APCDD1L: variants seen among roughly 807,000 people sequenced by gnomAD.
APCDD1L encodes the protein protein APCDD1-like.
In APCDD1L, 21 loss-of-function variants were observed where a neutral mutation model predicts 24.2. That is an observed-to-expected ratio of 0.87 (90% CI 0.61 to 1.25). The LOEUF is 1.25. APCDD1L is among the 50% of genes most tolerant of loss of function. The probability of loss-of-function intolerance (pLI) is 0.00; values close to 1 mark genes in which losing one functional copy is unlikely to be tolerated. For missense variants in APCDD1L, 704 were observed against 711.7 expected (o/e 0.99, Z 0.12); for synonymous variants, 321 against 323.6 (o/e 0.99, Z 0.09).
chr20:58,475,984 T>C (rs1989902454), intron 1 of APCDD1L, among the ~76,000 whole-genome samples: 1 of 152,170 alleles, frequency 6.6e-6, no homozygotes, highest in African/African-American at 2.4e-5. Flanking sequence ...TGTGACTTCA[T>C]CCTAACTTGA....
rs571319620 is a variant in APCDD1L, at chr20:58,467,077, C to G, written c.741+29G>C. On this transcript the variant is annotated intron_variant, in intron 3 of 3. Coordinates refer to ENST00000371149, the MANE Select transcript of APCDD1L (RefSeq NM_153360.3). The surrounding 1 kb of genome is among the most constrained non-coding windows in gnomAD (Gnocchi z 5.9). ...TCGCCTCCCCGAGACCACCACCCCC[C>G]TCTCCCACACCCCAACACACACACT... is the stretch of plus-strand genomic sequence containing the variant. The G allele has an allele frequency of 1.3e-5, 21 of 1,564,096 alleles. No individual in the cohort carries two copies. The East Asian group carries it at 2.2e-4, about 16-fold the overall frequency.
At chr20:58,490,266 T>G (rs568872726) in intron 1 of APCDD1L, among the ~76,000 whole-genome samples, 1 of 152,364 alleles carries the variant, frequency 6.6e-6, no homozygotes, top group South Asian at 2.1e-4. Flanking sequence ...GTTTCTTTCA[T>G]GTATAAGCTA....
chr20:58,484,176 G>A (rs998567979), intron 1 of APCDD1L, among the ~76,000 whole-genome samples: 3 of 152,200 alleles, frequency 2.0e-5, no homozygotes, highest in Non-Finnish European at 2.9e-5. Context: ...GTGCTTAATG[G>A]TTTAATTATT....
chr20:58,484,246 G>A (rs937549787), intron 1 of APCDD1L, among the ~76,000 whole-genome samples: 1 of 152,206 alleles, frequency 6.6e-6, no homozygotes, highest in Non-Finnish European at 1.5e-5. Context: ...ATCAGAAAAT[G>A]AGAAAAGCAC....
At chr20:58,469,573 G>T (rs1268061121) in intron 2 of APCDD1L, among the ~76,000 whole-genome samples, 2 of 152,196 alleles carry the variant, frequency 1.3e-5, no homozygotes, top group African/African-American at 4.8e-5. Flanking sequence ...TACAACCAGC[G>T]TCCCCCCTTC....
At position 58,461,192 on chromosome 20, in the gene APCDD1L, C is replaced by T. The variant is rs771870241; in HGVS notation, c.1104G>A (p.Thr368=). 24 of 1,613,366 alleles carry T rather than the reference C, an allele frequency of 1.5e-5. No individual in the cohort carries two copies. The Admixed American group carries it at 2.0e-4, about 13-fold the overall frequency. ...TTGGCTCAGAGAAGTTGAGCATGGC[C>T]GTGGTGACCTGGTCCATGGGGGTCA... The part of the protein sequence containing the change: ...AHVTPMDQVT[T]AMLNFSEPSS... The change falls in exon 4 of 4, where the codon ACG becomes ACA. Residue 368 remains threonine (T), a synonymous_variant. Coordinates refer to ENST00000371149, the MANE Select transcript of APCDD1L (RefSeq NM_153360.3). This position sits in a 1 kb window ranked among gnomAD's most constrained non-coding sequence, Gnocchi z 6.0.
In APCDD1L at chr20:58,467,489, G is replaced by C. The variant is rs1386842572; in HGVS notation, c.358C>G (p.Arg120Gly). 2.6e-5 allele frequency: 42 copies of C among 1,598,960 alleles called. No homozygotes were observed. Among genetic ancestry groups the C allele is most frequent in the Non-Finnish European group, 3.5e-5 (41 of 1,173,518 alleles). Residue 120 changes from arginine (R) to glycine (G), a missense_variant, in exon 3 of 4, where the codon CGG (arginine) becomes GGG (glycine). Physicochemically the swap from Arg to Gly is moderately radical, Grantham distance 125. Coordinates refer to ENST00000371149, the MANE Select transcript of APCDD1L (RefSeq NM_153360.3). This position sits in a 1 kb window ranked among gnomAD's most constrained non-coding sequence, Gnocchi z 5.9. Reference sequence around the variant, plus strand: ...TGGTAGTCGGCCTCGGTGGCTCCCCGGGTGACCCAGGAGGCCCGGCGCAGG... The same window carrying C: ...TGGTAGTCGGCCTCGGTGGCTCCCCCGGTGACCCAGGAGGCCCGGCGCAGG... ...VRLRRASWVT[R>G]GATEADYHLH... is the part of the protein sequence containing the mutation.
intron 1 of APCDD1L, among the ~76,000 whole-genome samples, chr20:58,484,274 G>A (rs571503663): frequency 2.3e-4 from 35 of 152,260 alleles, no homozygotes; most frequent in South Asian, 8.3e-4. Flanking sequence ...ATTTAAAAGC[G>A]CGTCCACAGT....
At position 58,470,635 on chromosome 20, in the gene APCDD1L, G is replaced by T; in HGVS notation, c.162C>A (p.Arg54=). 1 of 1,584,918 alleles carries T rather than the reference G, an allele frequency of 6.3e-7. No individual in the cohort carries two copies. The highest frequency in any genetic ancestry group is 8.6e-7 in the Non-Finnish European group (1 of 1,165,418). ...CTGTGGAGATCCAAGGTCCATTAAG[G>T]CGTGGAGGCAGGATCGCAGTGCTGG... ...RVPSTAILPP[R]LNGPWISTGC... Residue 54 remains arginine (R), a synonymous_variant, in exon 2 of 4, where the codon CGC becomes CGA. Transcript: ENST00000371149.
chr20:58,488,438 T>C (rs1375402611), intron 1 of APCDD1L, among the ~76,000 whole-genome samples: 1 of 152,178 alleles, frequency 6.6e-6, no homozygotes, highest in Non-Finnish European at 1.5e-5. Flanking sequence ...TTCAAACACA[T>C]GTGCAACATT....
intron 1 of APCDD1L, among the ~76,000 whole-genome samples, chr20:58,488,818 A>G (rs1990170720): frequency 6.6e-6 from 1 of 152,210 alleles, no homozygotes; most frequent in Non-Finnish European, 1.5e-5. Flanking sequence ...GAAGTTAGAA[A>G]AAGAAAAATC....
At chr20:58,498,676 C>T (rs1184642797) in intron 1 of APCDD1L, among the ~76,000 whole-genome samples, 1 of 152,208 alleles carries the variant, frequency 6.6e-6, no homozygotes, top group Non-Finnish European at 1.5e-5. Context: ...CAGCTGAAGC[C>T]ACACCTCCCA....
Position 58,467,694 on chromosome 20 carries a change from G to A in APCDD1L, c.189-36C>T. ...GGAAGGAGATGGGCTGGGTGCAGAG[G>A]GAACACCGCGCCGCGAGCCCCTCTC... On this transcript the variant is annotated intron_variant, in intron 2 of 3. Transcript: ENST00000371149. This position sits in a 1 kb window ranked among gnomAD's most constrained non-coding sequence, Gnocchi z 5.9. The A allele has an allele frequency of 7.0e-7, 1 of 1,433,212 alleles. No individual in the cohort carries two copies. The allele number at this position is 1,433,212 out of a possible 1,614,324, so 88.8% of individuals were successfully genotyped here. A position where few individuals can be genotyped will look rare whatever the true frequency, so the allele number is the denominator to read the frequency against.
chr20:58,470,948 G>A (rs912720098), intron 1 of APCDD1L, among the ~76,000 whole-genome samples: 4 of 152,128 alleles, frequency 2.6e-5, no homozygotes, highest in East Asian at 1.9e-4. Flanking sequence ...CAGCCTCCCC[G>A]ACGCATCTCC....
chr20:58,503,792 A>G (rs1019806940), intron 1 of APCDD1L, among the ~76,000 whole-genome samples: 1 of 152,258 alleles, frequency 6.6e-6, no homozygotes. Context: ...TGTAAGCAAC[A>G]GAAGCAACAT....
chr20:58,465,537 G>T (rs1311067439), intron 3 of APCDD1L, among the ~76,000 whole-genome samples: 1 of 152,144 alleles, frequency 6.6e-6, no homozygotes, highest in Non-Finnish European at 1.5e-5. Context: ...GACTTCATGG[G>T]GATGCTGAAC....
chr20:58,462,280 A>G (rs1989623695), intron 3 of APCDD1L, among the ~76,000 whole-genome samples: 1 of 152,124 alleles, frequency 6.6e-6, no homozygotes, highest in South Asian at 2.1e-4. Context: ...CAACTGGTAC[A>G]TGTTATAGCT....
chr20:58,470,573 C>A (rs776646617), intron 2 of APCDD1L, 36 bp downstream of exon 2: 3 of 1,560,046 alleles, frequency 1.9e-6, no homozygotes, highest in Non-Finnish European at 2.6e-6. Context: ...GTCTCCCAGT[C>A]CAGGGGTCCA....
chr20:58,504,676 C>T (rs1040720368), intron 1 of APCDD1L, among the ~76,000 whole-genome samples: 4 of 152,176 alleles, frequency 2.6e-5, no homozygotes, highest in Non-Finnish European at 5.9e-5. Context: ...TGTTCTGAAG[C>T]CCCATCCACA....
Sources: allele counts gnomAD v4.1 joint callset (sites outside exome capture counted in the v4.1 genomes callset), GRCh38; gene constraint gnomAD v4.1.1; non-coding constraint Gnocchi (gnomAD v3.1); transcripts MANE v1.5; gene names NCBI Gene and HGNC (gene_info 2026-07-23, HGNC 2026-07-21).